Variants in NF1 observed in about 807,000 individuals in gnomAD.
NF1 encodes neurofibromin.
In NF1, 122 loss-of-function variants were observed where a neutral mutation model predicts 325.7. The observed-to-expected ratio is 0.37, with a 90% confidence interval of 0.32 to 0.44. The LOEUF (loss-of-function observed/expected upper bound fraction) is 0.44. Ranked by LOEUF, NF1 falls within the 20% of genes least tolerant of loss-of-function variation. NF1 has a pLI of 1.00. For missense variants in NF1, 2,140 were observed against 3,415.4 expected, an observed-to-expected ratio of 0.63 and a Z score of 9.31; for synonymous variants, 1,091 against 1,186.0, an observed-to-expected ratio of 0.92 and a Z score of 1.65.
intron 4 of NF1, among the ~76,000 whole-genome samples, chr17:31,168,710 C>CTAT (rs10689586): frequency 0.011 from 1,726 of 152,098 alleles, 25 homozygotes; most frequent in African/African-American, 0.039. Context: ...GAAACATGTC[C>CTAT]TATTATTGAC....
At chr17:31,186,302 C>T (rs1465333411) in intron 8 of NF1, among the ~76,000 whole-genome samples, 1 of 152,134 alleles carries the variant, frequency 6.6e-6, no homozygotes, top group Non-Finnish European at 1.5e-5. Context: ...AAGACTAGGG[C>T]CTGGTTCGCA....
At position 31,352,398 on chromosome 17, in the gene NF1, C is replaced by T. The variant is rs1597862269; in HGVS notation, c.7599C>T (p.Asn2533=). ...ACATGGGGCAACCTTCTCAGGCCAA[C>T]ACTAAGAAGTTGCTTGGTTAGTTTA... is the stretch of plus-strand genomic sequence containing the variant. The part of the protein sequence containing the change: ...SLDMGQPSQA[N]TKKLLGTRKS... The change falls in exon 51 of 58, where the codon AAC becomes AAT. Residue 2533 remains asparagine, a synonymous_variant. Coordinates refer to ENST00000358273, the MANE Select transcript of NF1 (RefSeq NM_001042492.3). The T allele has an allele frequency of 1.2e-6, 2 of 1,612,810 alleles. No homozygotes were observed. The highest frequency in any genetic ancestry group is 1.7e-6 in the Non-Finnish European group (2 of 1,179,372).
chr17:31,245,266 G>T (rs16972116), intron 29 of NF1, among the ~76,000 whole-genome samples: 1,974 of 152,260 alleles, frequency 0.013, 51 homozygotes, highest in African/African-American at 0.044. Flanking sequence ...TAGCTTAACT[G>T]TTCTCCCTGC....
At chr17:31,351,048 T>C (rs1325329812) in intron 50 of NF1, among the ~76,000 whole-genome samples, 1 of 152,196 alleles carries the variant, frequency 6.6e-6, no homozygotes, top group Non-Finnish European at 1.5e-5. Context: ...TTTTCAAACA[T>C]GGTATTCAAT....
At chr17:31,309,407 G>A (rs1216540240) in intron 36 of NF1, among the ~76,000 whole-genome samples, 1 of 152,134 alleles carries the variant, frequency 6.6e-6, no homozygotes, top group Non-Finnish European at 1.5e-5. Flanking sequence ...AGATTTAAAA[G>A]GGAAAATTTG....
At chr17:31,121,855 C>A (rs1477190771) in intron 1 of NF1, among the ~76,000 whole-genome samples, 1 of 152,098 alleles carries the variant, frequency 6.6e-6, no homozygotes, top group East Asian at 1.9e-4. Context: ...TTCACAGATG[C>A]TGAATTTTTT....
chr17:31,117,091 C>T (rs953697061), intron 1 of NF1, among the ~76,000 whole-genome samples: 1 of 152,066 alleles, frequency 6.6e-6, no homozygotes, highest in East Asian at 1.9e-4. Flanking sequence ...AAGCAATTCT[C>T]CTGCCTCAGC....
chr17:31,130,767 C>A (rs913698868), intron 1 of NF1, among the ~76,000 whole-genome samples: 5 of 152,150 alleles, frequency 3.3e-5, no homozygotes, highest in African/African-American at 1.2e-4. Context: ...CGCATGTGTG[C>A]TGGCGGGGAA....
At chr17:31,260,306 A>T (rs2151464296) in intron 33 of NF1, 63 bp from the exon 34 acceptor site, 1 of 1,529,622 alleles carries the variant, frequency 6.5e-7, no homozygotes, top group Non-Finnish European at 9.0e-7. Context: ...TTATAAATTT[A>T]ATTCAAACAT....
intron 36 of NF1, among the ~76,000 whole-genome samples, chr17:31,274,410 G>A (rs2067963059): frequency 6.6e-6 from 1 of 152,130 alleles, no homozygotes; most frequent in African/African-American, 2.4e-5. Context: ...CAAGGAAATT[G>A]CAACATAAAT....
intron 8 of NF1, among the ~76,000 whole-genome samples, chr17:31,191,021 C>T (rs1320209663): frequency 6.6e-6 from 1 of 152,004 alleles, no homozygotes; most frequent in Non-Finnish European, 1.5e-5. Context: ...TGTTGTACAC[C>T]TTAAATATAT....
At chr17:31,113,863 G>T (rs764083871) in intron 1 of NF1, among the ~76,000 whole-genome samples, 1 of 152,146 alleles carries the variant, frequency 6.6e-6, no homozygotes, top group Admixed American at 6.5e-5. Context: ...TGCCTAAAAA[G>T]ATGAAAATGT....
chr17:31,285,637 C>T (rs564770806), intron 36 of NF1, among the ~76,000 whole-genome samples: 1 of 152,234 alleles, frequency 6.6e-6, no homozygotes, highest in African/African-American at 2.4e-5. Context: ...TGCTTGAGCC[C>T]AGGAGCTCGA....
Position 31,327,727 on chromosome 17 carries a change from C to T in NF1, c.5497C>T (p.Leu1833=), listed in dbSNP as rs372932380. ...CATTCATATCCGGACCCGCTGGGAA[C>T]TGTCACAGCCCGACTCTATCCCCCA... ...SIIHIRTRWE[L]SQPDSIPQHT... The change falls in exon 38 of 58, where the codon CTG becomes TTG. Residue 1833 remains leucine (L), a synonymous_variant. Transcript: ENST00000358273. 1.2e-5 allele frequency: 20 copies of T among 1,614,142 alleles called. No individual in the cohort carries two copies. The African/African-American group carries it at 2.4e-4, about 19-fold the overall frequency.
At chr17:31,307,186 C>T (rs1035752418) in intron 36 of NF1, among the ~76,000 whole-genome samples, 6 of 152,088 alleles carry the variant, frequency 3.9e-5, no homozygotes, top group Non-Finnish European at 7.4e-5. Context: ...CACGCCTGGC[C>T]TATTTTTGTA....
At chr17:31,318,470 C>A (rs762664536) in intron 36 of NF1, 2 of 1,613,884 alleles carry the variant, frequency 1.2e-6, no homozygotes, top group Non-Finnish European at 1.7e-6. Context: ...GCCAGAAAAT[C>A]GCCATTGCTT....
At chr17:31,276,865 G>A (rs755142421) in intron 36 of NF1, among the ~76,000 whole-genome samples, 5 of 152,188 alleles carry the variant, frequency 3.3e-5, no homozygotes, top group Non-Finnish European at 4.4e-5. Flanking sequence ...ACAACACTGG[G>A]GTTAGGGGCA....
intron 29 of NF1, among the ~76,000 whole-genome samples, chr17:31,248,569 C>T (rs1474265318): frequency 6.6e-6 from 1 of 151,948 alleles, no homozygotes; most frequent in Non-Finnish European, 1.5e-5. Flanking sequence ...CAGTCTTGCC[C>T]TTTCATCCAA....
chr17:31,146,831 A>G (rs192142827), intron 1 of NF1, among the ~76,000 whole-genome samples: 57 of 152,306 alleles, frequency 3.7e-4, no homozygotes, highest in Non-Finnish European at 7.1e-4. Flanking sequence ...TGCCATATCA[A>G]TTAGTCATTT....
Sources: allele counts gnomAD v4.1 joint callset (sites outside exome capture counted in the v4.1 genomes callset), GRCh38; gene constraint gnomAD v4.1.1; transcripts MANE v1.5; gene names NCBI Gene and HGNC (gene_info 2026-07-23, HGNC 2026-07-21).